The following SRPK2 variants were observed in gnomAD, a reference collection of about 807,000 sequenced individuals.
SRPK2 encodes the protein SFRS protein kinase 2.
Under a neutral mutation model 90.8 loss-of-function variants are expected in SRPK2, and 21 were observed. The observed-to-expected ratio is 0.23, with a 90% CI of 0.16 to 0.33. The LOEUF (loss-of-function observed/expected upper bound fraction) is 0.33, where lower values mean the gene tolerates loss of function less well. Among genes scored for constraint, SRPK2 ranks in the 10% least tolerant of loss-of-function variants. The pLI is 1.00. For synonymous variants in SRPK2, 288 were observed against 311.1 expected (o/e 0.93, Z 0.78); for missense variants, 620 against 869.0 (o/e 0.71, Z 3.60).
At chr7:105,125,632 T>A (rs1801082520) in intron 15 of SRPK2, 1 of 314,020 alleles carries the variant, frequency 3.2e-6, no homozygotes, top group Non-Finnish European at 6.2e-6. Flanking sequence ...AGGTATCAGA[T>A]GGGTCAGGTT....
At chr7:105,264,162 G>C (rs891763438) in intron 2 of SRPK2, among the ~76,000 whole-genome samples, 1 of 152,146 alleles carries the variant, frequency 6.6e-6, no homozygotes, top group African/African-American at 2.4e-5. Flanking sequence ...TCTTGGTCCA[G>C]GATCCTTTTC....
At chr7:105,152,076 T>C (rs1257589552) in intron 7 of SRPK2, among the ~76,000 whole-genome samples, 1 of 151,522 alleles carries the variant, frequency 6.6e-6, no homozygotes, top group African/African-American at 2.4e-5. Context: ...ATTTCTAATA[T>C]AAAAGGACTA....
chr7:105,236,579 C>T (rs1172133420), intron 2 of SRPK2, among the ~76,000 whole-genome samples: 1 of 152,090 alleles, frequency 6.6e-6, no homozygotes. Context: ...CAGGACAATA[C>T]AGGAAATAAC....
chr7:105,325,140 C>T (rs940721419), intron 2 of SRPK2, among the ~76,000 whole-genome samples: 3 of 152,134 alleles, frequency 2.0e-5, no homozygotes, highest in African/African-American at 7.2e-5. Context: ...TCTAAGTCTT[C>T]ACACAAGTCA....
intron 7 of SRPK2, among the ~76,000 whole-genome samples, chr7:105,152,346 C>T (rs555848108): frequency 3.6e-4 from 54 of 152,076 alleles, no homozygotes; most frequent in Non-Finnish European, 6.2e-4. Flanking sequence ...ACGGGGTTTT[C>T]GCCATGTTGG....
intron 2 of SRPK2, among the ~76,000 whole-genome samples, chr7:105,335,896 C>T (rs1037069781): frequency 1.3e-5 from 2 of 151,604 alleles, no homozygotes; most frequent in Non-Finnish European, 2.9e-5. Flanking sequence ...GCAGAGGTTG[C>T]GGTGAGCCGA....
chr7:105,124,640 T>TCAAAAAAAAAAAAAA (rs71519197), intron 15 of SRPK2, among the ~76,000 whole-genome samples: 1 of 52,926 alleles, frequency 1.9e-5, no homozygotes, highest in Non-Finnish European at 4.1e-5. Context: ...AAACTCCATC[T>TCAAAAAAAAAAAAAA]AAAAAAAAAA....
chr7:105,335,651 T>TA (rs60278367), intron 2 of SRPK2, among the ~76,000 whole-genome samples: 6,946 of 114,948 alleles, frequency 0.06, 254 homozygotes, highest in East Asian at 0.19. Flanking sequence ...GACCATCTTT[T>TA]AAAAAAAAAA....
chr7:105,250,313 C>G (rs1802300547), intron 2 of SRPK2, among the ~76,000 whole-genome samples: 1 of 151,956 alleles, frequency 6.6e-6, no homozygotes, highest in South Asian at 2.1e-4. Context: ...ACACTCCAGC[C>G]TGGGCAACGG....
At chr7:105,123,014 C>T (rs933457675) in intron 15 of SRPK2, among the ~76,000 whole-genome samples, 5 of 152,060 alleles carry the variant, frequency 3.3e-5, no homozygotes, top group African/African-American at 1.2e-4. Context: ...CTGGCTGCAC[C>T]GTTTTTCCTA....
intron 2 of SRPK2, among the ~76,000 whole-genome samples, chr7:105,348,385 G>A (rs1816725970): frequency 6.7e-6 from 1 of 148,630 alleles, no homozygotes; most frequent in African/African-American, 2.5e-5. Flanking sequence ...AACTTAATAA[G>A]CCACTATTTG....
At chr7:105,260,833 T>C (rs1245491518) in intron 2 of SRPK2, among the ~76,000 whole-genome samples, 1 of 135,596 alleles carries the variant, frequency 7.4e-6, no homozygotes, top group African/African-American at 2.8e-5. Flanking sequence ...AGTTTAATAA[T>C]GAGAACACAT....
At position 105,170,916 on chromosome 7, in the gene SRPK2, G is replaced by A. The variant is rs59821471; in HGVS notation, c.230-1651C>T. Among the ~76,000 whole-genome samples, 17 of 66,172 alleles carry A rather than the reference G, an allele frequency of 2.6e-4. 1 individual carries two copies. Among genetic ancestry groups the A allele is most frequent in the Middle Eastern group, 8.6e-3 (1 of 116 alleles). The allele number at this position is 66,172 out of a possible 152,430, so 43.4% of individuals were successfully genotyped here. The stretch of plus-strand genomic sequence containing the variant: ...GAAAGAAAGAAAGAAAGAAAGAAAG[G>A]AGAAAGAAAAAGAAAAAGGAAAGAA... On this transcript the variant is annotated intron_variant, in intron 3 of 15. Coordinates refer to ENST00000393651, the MANE Select transcript of SRPK2 (RefSeq NM_182692.3).
At chr7:105,383,419 ATT>A (rs113732829) in intron 2 of SRPK2, among the ~76,000 whole-genome samples, 61 of 131,518 alleles carry the variant, frequency 4.6e-4, no homozygotes, top group African/African-American at 1.5e-3. Context: ...ACAAAACAGA[ATT>A]TTTTTTTTTT....
chr7:105,149,153 A>C (rs183744096), intron 7 of SRPK2, among the ~76,000 whole-genome samples: 3 of 152,264 alleles, frequency 2.0e-5, no homozygotes, highest in African/African-American at 7.2e-5. Context: ...GAGGAAGGCC[A>C]CTGTCTCCTG....
rs75937162 is a variant in SRPK2, at chr7:105,308,472, T to A, written c.71+80176A>T. Among the ~76,000 whole-genome samples, 818 of 152,294 alleles carry A rather than the reference T, an allele frequency of 5.4e-3. 8 individuals carry two copies. The highest frequency in any genetic ancestry group is 0.018 in the African/African-American group (760 of 41,552). ...GGGCAACCAACAGAGGGAGGGGATT[T>A]CCTTAAAGAATGATGGGCATGTACT... On this transcript the variant is annotated intron_variant, in intron 2 of 15. Transcript: ENST00000393651.
At chr7:105,326,022 G>A (rs1031119743) in intron 2 of SRPK2, among the ~76,000 whole-genome samples, 3 of 152,204 alleles carry the variant, frequency 2.0e-5, no homozygotes, top group East Asian at 1.9e-4. Context: ...CTGCCCTACC[G>A]CACACGGGGA....
chr7:105,282,096 G>A (rs1481738199), intron 2 of SRPK2, among the ~76,000 whole-genome samples: 1 of 152,168 alleles, frequency 6.6e-6, no homozygotes, highest in Admixed American at 6.6e-5. Context: ...GGAATGAAAA[G>A]TGTGAGGAAA....
chr7:105,240,649 AAAGTACAAGGAG>A (rs1299365880), intron 2 of SRPK2, among the ~76,000 whole-genome samples: 3 of 152,204 alleles, frequency 2.0e-5, no homozygotes, highest in Non-Finnish European at 1.5e-5. Flanking sequence ...GTAGTTTCAG[AAAGTACAAGGAG>A]AAGTGACACC....
Sources: allele counts gnomAD v4.1 joint callset (sites outside exome capture counted in the v4.1 genomes callset), GRCh38; gene constraint gnomAD v4.1.1; transcripts MANE v1.5; gene names NCBI Gene and HGNC (gene_info 2026-07-23, HGNC 2026-07-21).